The following SRCIN1 variants were observed in gnomAD, a reference collection of about 807,000 sequenced individuals.
SRCIN1 encodes the protein P130Cas-associated protein.
In SRCIN1, 50 loss-of-function variants were observed where a neutral mutation model predicts 116.2. The ratio of observed to expected loss-of-function variants is 0.43; its 90% CI spans 0.34 to 0.54. The LOEUF is 0.54. Among genes scored for constraint, SRCIN1 ranks in the 20% least tolerant of loss-of-function variants. The pLI is 0.02. For synonymous variants in SRCIN1, 736 were observed against 750.0 expected, an observed-to-expected ratio of 0.98 and a Z score of 0.30; for missense variants, 1,446 against 1,672.0, an observed-to-expected ratio of 0.86 and a Z score of 2.36.
rs1904923016 is a variant in SRCIN1, at chr17:38,544,007, A to C, written c.3271-38T>G. On this transcript the variant is annotated intron_variant, in intron 17 of 18. Transcript: ENST00000617146. This position sits in a 1 kb window ranked among gnomAD's most constrained non-coding sequence, Gnocchi z 4.5. ...GAACAGGGTTGCAGTTGCAGAGTCCACATGGGGTGAATCACACAGGAACCC... is the reference window on the plus strand; with the variant it reads ...GAACAGGGTTGCAGTTGCAGAGTCCCCATGGGGTGAATCACACAGGAACCC... The C allele has an allele frequency of 1.3e-6, 2 of 1,542,582 alleles. No homozygotes were observed. Among genetic ancestry groups the C allele is most frequent in the Non-Finnish European group, 1.7e-6 (2 of 1,148,782 alleles).
Position 38,578,802 on chromosome 17 carries a change from T to C in SRCIN1, c.23-11A>G. ...TGCTCCGCTCCGGATCTGCGAGAGG[T>C]GAGAGGGGCACGGCTGGGTCACGGC... On this transcript the variant is annotated splice_polypyrimidine_tract_variant and intron_variant, in intron 1 of 18. Coordinates refer to ENST00000617146, the MANE Select transcript of SRCIN1 (RefSeq NM_025248.3). 6.8e-7 allele frequency: 1 copy of C among 1,480,134 alleles called. No individual in the cohort carries two copies. Among genetic ancestry groups the C allele is most frequent in the Non-Finnish European group, 8.9e-7 (1 of 1,117,932 alleles). 91.7% of individuals were successfully genotyped at this position (1,480,134 alleles called of 1,614,324 possible). A position where few individuals can be genotyped will look rare whatever the true frequency, so the allele number is the denominator to read the frequency against.
At chr17:38,540,016 A>C (rs915769014) in intron 18 of SRCIN1, among the ~76,000 whole-genome samples, 43 of 119,252 alleles carry the variant, frequency 3.6e-4, no homozygotes, top group Non-Finnish European at 6.0e-4. Context: ...GCGAGACTCC[A>C]TCTCAAAAAA....
At chr17:38,576,923 C>T (rs140349425) in intron 2 of SRCIN1, among the ~76,000 whole-genome samples, 4 of 152,186 alleles carry the variant, frequency 2.6e-5, no homozygotes, top group African/African-American at 9.6e-5. Context: ...CAAAAGCAAA[C>T]ACAGCCACCT....
At chr17:38,538,806 T>A (rs763073919) in intron 18 of SRCIN1, among the ~76,000 whole-genome samples, 17 of 152,190 alleles carry the variant, frequency 1.1e-4, no homozygotes, top group Non-Finnish European at 1.8e-4. Context: ...GACAGCAGAA[T>A]TTGTAGCAGG....
At chr17:38,584,514 C>T (rs753955214) in intron 1 of SRCIN1, among the ~76,000 whole-genome samples, 184 of 152,288 alleles carry the variant, frequency 1.2e-3, no homozygotes, top group Non-Finnish European at 2.3e-3. Flanking sequence ...CTGGGGTGGC[C>T]GGGAAGTGGC....
intron 2 of SRCIN1, among the ~76,000 whole-genome samples, chr17:38,570,245 C>A (rs1445599889): frequency 6.6e-6 from 1 of 152,170 alleles, no homozygotes; most frequent in Non-Finnish European, 1.5e-5. Flanking sequence ...CATAGACCGC[C>A]CCCACTCATA....
At chr17:38,566,866 TTTCCTTCCTTCC>T (rs71138633) in intron 3 of SRCIN1, among the ~76,000 whole-genome samples, 1 of 131,920 alleles carries the variant, frequency 7.6e-6, no homozygotes, top group Admixed American at 7.4e-5. Context: ...TTTTGTTTCG[TTTCCTTCCTTCC>T]TTCCTTCCTT....
At chr17:38,573,860 A>G (rs1284367340) in intron 2 of SRCIN1, among the ~76,000 whole-genome samples, 2 of 152,270 alleles carry the variant, frequency 1.3e-5, no homozygotes, top group African/African-American at 4.8e-5. Context: ...CCCAAAGTTC[A>G]GCCAAGATGG....
chr17:38,571,457 C>T (rs1907070969), intron 2 of SRCIN1, among the ~76,000 whole-genome samples: 1 of 152,184 alleles, frequency 6.6e-6, no homozygotes, highest in Non-Finnish European at 1.5e-5. Flanking sequence ...CCTTCTGGGC[C>T]TTTTCCCTGG....
Position 38,568,017 on chromosome 17 carries a change from A to G in SRCIN1, c.345+194T>C, listed in dbSNP as rs981490535. Among the ~76,000 whole-genome samples, 1 of 152,180 alleles carries G rather than the reference A, an allele frequency of 6.6e-6. No individual in the cohort carries two copies. Among genetic ancestry groups the G allele is most frequent in the Non-Finnish European group, 1.5e-5 (1 of 68,022 alleles). On this transcript the variant is annotated intron_variant, in intron 3 of 18. Transcript: ENST00000617146. The surrounding 1 kb of genome is among the most constrained non-coding windows in gnomAD (Gnocchi z 4.5). ...GGTGGCCCAAACTCCTACTCCATCC[A>G]CAAGCCCCTGACAGGCGAACCCAGA...
chr17:38,551,533 A>G (rs1905409749), intron 14 of SRCIN1, 144 bp from the exon 15 acceptor site: 1 of 737,644 alleles, frequency 1.4e-6, no homozygotes, highest in East Asian at 2.7e-5. Context: ...AGACACTTTG[A>G]CTTCTCGTGG....
intron 1 of SRCIN1, 77 bp downstream of exon 1, chr17:38,605,607 A>G (rs1909315495): frequency 6.8e-6 from 8 of 1,175,304 alleles, no homozygotes; most frequent in South Asian, 1.6e-5. Context: ...GCCGAGGGGG[A>G]AAACACACAA....
intron 1 of SRCIN1, among the ~76,000 whole-genome samples, chr17:38,581,432 AG>A (rs1330521436): frequency 3.5e-5 from 5 of 142,566 alleles, no homozygotes; most frequent in African/African-American, 1.5e-4. Context: ...AAAAGAAAAA[AG>A]AAAAAAAAAA....
At chr17:38,588,431 G>C (rs903250413) in intron 1 of SRCIN1, among the ~76,000 whole-genome samples, 1 of 152,248 alleles carries the variant, frequency 6.6e-6, no homozygotes, top group African/African-American at 2.4e-5. Context: ...CTGCTCACGC[G>C]CCCAGGGAAG....
Position 38,533,236 on chromosome 17 carries a change from A to G in SRCIN1, c.*61T>C, listed in dbSNP as rs1326183614. ...TGGGGTGGGGTGGAGATGAAGGAAG[A>G]GAGGGGAGAAATGGCAGGAGTGAGG... On this transcript the variant is annotated 3_prime_UTR_variant, in exon 19 of 19. Transcript: ENST00000617146. The G allele has an allele frequency of 2.4e-5, 35 of 1,459,668 alleles. No individual in the cohort carries two copies. The highest frequency in any genetic ancestry group is 3.1e-5 in the Non-Finnish European group (34 of 1,102,116). The allele number at this position is 1,459,668 out of a possible 1,614,324, so 90.4% of individuals were successfully genotyped here.
intron 1 of SRCIN1, among the ~76,000 whole-genome samples, chr17:38,599,019 G>A (rs748467412): frequency 1.2e-4 from 18 of 152,058 alleles, no homozygotes; most frequent in African/African-American, 2.4e-4. Flanking sequence ...GTGTACGTAC[G>A]TGTGTGTGTA....
At chr17:38,533,615 AG>A (rs1286874116) in intron 18 of SRCIN1, among the ~76,000 whole-genome samples, 184 bp from the exon 19 acceptor site, 73 of 10,702 alleles carry the variant, frequency 6.8e-3, no homozygotes, top group African/African-American at 0.019. Flanking sequence ...GGGGCAGAAA[AG>A]GGGGGGGAGG....
rs1426961095 is a variant in SRCIN1 at position 38,543,769 on chromosome 17, G to T, written c.3417+54C>A. On this transcript the variant is annotated intron_variant, in intron 18 of 18. Coordinates refer to ENST00000617146, the MANE Select transcript of SRCIN1 (RefSeq NM_025248.3). ...GGCAGGAGATGCCCAGTGGGGCAGG[G>T]GCCCGGCATGCAGCAGAGTGGGCCT... The T allele has an allele frequency of 2.5e-6, 4 of 1,578,908 alleles. No individual in the cohort carries two copies. In the African/African-American group the frequency reaches 4.0e-5, roughly 16 times the overall value.
intron 1 of SRCIN1, among the ~76,000 whole-genome samples, chr17:38,591,210 G>T (rs556036710): frequency 6.6e-6 from 1 of 152,360 alleles, no homozygotes; most frequent in South Asian, 2.1e-4. Flanking sequence ...TTCCAGGAAA[G>T]GAGAACTCAT....
Sources: gnomAD v4.1 joint callset for allele counts (sites outside exome capture counted in the v4.1 genomes callset) on GRCh38, gnomAD v4.1.1 for gene constraint, Gnocchi (gnomAD v3.1) non-coding constraint, MANE v1.5 for transcripts, NCBI Gene and HGNC (gene_info 2026-07-23, HGNC 2026-07-21) for gene names.